Variants in RTTN observed in about 807,000 individuals in gnomAD.
RTTN encodes the protein rotatin.
In RTTN, 182 loss-of-function variants were observed where a neutral mutation model predicts 269.2. That is an observed-to-expected ratio of 0.68 (90% CI 0.60 to 0.76). The LOEUF is 0.76. Ranked by LOEUF, RTTN falls within the 30% of genes least tolerant of loss-of-function variation. RTTN has a pLI of 0.00. For synonymous variants in RTTN, 1,006 were observed against 963.5 expected (o/e 1.04, Z -0.82); for missense variants, 2,545 against 2,608.6 (o/e 0.98, Z 0.53).
chr18:70,085,151 A>T (rs2058670238), intron 32 of RTTN, among the ~76,000 whole-genome samples: 1 of 152,220 alleles, frequency 6.6e-6, no homozygotes, highest in Non-Finnish European at 1.5e-5. Context: ...TTTAAAATGT[A>T]GTCTCCGGAT....
At chr18:70,194,528 A>G (rs1426943820) in intron 7 of RTTN, 1 of 152,252 alleles carries the variant, frequency 6.6e-6, no homozygotes, top group Non-Finnish European at 1.5e-5. Context: ...AGCATTATTC[A>G]CAACCGCCAA....
intron 36 of RTTN, among the ~76,000 whole-genome samples, chr18:70,058,784 G>C (rs894121770): frequency 2.8e-5 from 4 of 144,238 alleles, no homozygotes; most frequent in Non-Finnish European, 6.2e-5. Flanking sequence ...TTTCCAATCC[G>C]AGTAGGTACA....
In RTTN at chr18:70,166,942, T is replaced by A. The variant is rs1296985841; in HGVS notation, c.1779A>T (p.Glu593Asp). 6.2e-7 allele frequency: 1 copy of A among 1,612,596 alleles called. No individual in the cohort carries two copies. The highest frequency in any genetic ancestry group is 8.5e-7 in the Non-Finnish European group (1 of 1,178,984). ...SYHQHFPLIKEIISICSKIWK... is the reference protein window; with the variant it reads ...SYHQHFPLIKDIISICSKIWK... ...ACATCTTTGAACAAATGCTGATGATTTCCTTTATTAGCGGGAAATGCTGAT... is the reference window on the plus strand; with the variant it reads ...ACATCTTTGAACAAATGCTGATGATATCCTTTATTAGCGGGAAATGCTGAT... Residue 593 changes from glutamate to aspartate, a missense_variant, in exon 13 of 49, where the codon GAA (glutamate) becomes GAT (aspartate). By Grantham distance (45) the Glu-to-Asp change is conservative (BLOSUM62 2). Coordinates refer to ENST00000640769, the MANE Select transcript of RTTN (RefSeq NM_173630.4).
At chr18:70,004,701 T>TA (rs1805379795) in intron 48 of RTTN, among the ~76,000 whole-genome samples, 1 of 152,168 alleles carries the variant, frequency 6.6e-6, no homozygotes, top group Non-Finnish European at 1.5e-5. Context: ...TGTTTTAGCA[T>TA]AAAAAATGTT....
chr18:70,022,288 CTCA>C (rs1050132077), intron 44 of RTTN, among the ~76,000 whole-genome samples: 20 of 151,688 alleles, frequency 1.3e-4, no homozygotes, highest in Admixed American at 1.2e-3. Flanking sequence ...TGGGAATTTT[CTCA>C]TCATTCCCAT....
chr18:70,180,842 C>T (rs1418039160), intron 10 of RTTN, among the ~76,000 whole-genome samples: 1 of 152,138 alleles, frequency 6.6e-6, no homozygotes. Flanking sequence ...TTCCTTTATG[C>T]TTATCTCTAT....
At chr18:70,016,901 T>C (rs1442245012) in intron 46 of RTTN, among the ~76,000 whole-genome samples, 2 of 152,014 alleles carry the variant, frequency 1.3e-5, no homozygotes, top group African/African-American at 4.8e-5. Flanking sequence ...AGACTAGGAA[T>C]AGACAGATAC....
intron 46 of RTTN, among the ~76,000 whole-genome samples, chr18:70,016,311 A>T (rs1321745511): frequency 6.6e-6 from 1 of 152,244 alleles, no homozygotes; most frequent in Admixed American, 6.5e-5. Context: ...TGAAAAAAAC[A>T]AGAGAATGAA....
chr18:70,095,618 C>T (rs1409865107), intron 28 of RTTN, among the ~76,000 whole-genome samples: 2 of 152,118 alleles, frequency 1.3e-5, no homozygotes, highest in African/African-American at 4.8e-5. Context: ...TGAATATAGG[C>T]CCCCACTCTC....
chr18:70,018,377 T>C (rs1462767123), intron 45 of RTTN, among the ~76,000 whole-genome samples: 1 of 152,184 alleles, frequency 6.6e-6, no homozygotes, highest in East Asian at 1.9e-4. Flanking sequence ...ATGCAAAGTA[T>C]AAAAGTGCTG....
chr18:70,031,215 C>A, intron 40 of RTTN: 2 of 527,164 alleles, frequency 3.8e-6, no homozygotes, highest in African/African-American at 1.9e-5. Flanking sequence ...TCATCATCTA[C>A]AGAAAAAAGC....
intron 32 of RTTN, among the ~76,000 whole-genome samples, chr18:70,081,640 C>A (rs557537372): frequency 1.4e-4 from 22 of 152,042 alleles, no homozygotes; most frequent in Non-Finnish European, 2.6e-4. Context: ...AAATAAGTAG[C>A]CTGCATTCTT....
chr18:70,043,357 G>A (rs894009591), intron 40 of RTTN, among the ~76,000 whole-genome samples: 1 of 152,074 alleles, frequency 6.6e-6, no homozygotes, highest in Admixed American at 6.5e-5. Flanking sequence ...TACCATTCAC[G>A]CTGCCTATTC....
At chr18:70,093,870 G>A (rs1238446068) in intron 28 of RTTN, among the ~76,000 whole-genome samples, 3 of 152,180 alleles carry the variant, frequency 2.0e-5, no homozygotes, top group Non-Finnish European at 4.4e-5. Flanking sequence ...GTTTCAGAAG[G>A]AATGGTACCA....
At chr18:70,035,211 C>T (rs138228513) in intron 40 of RTTN, among the ~76,000 whole-genome samples, 2,953 of 152,262 alleles carry the variant, frequency 0.019, 82 homozygotes, top group African/African-American at 0.067. Flanking sequence ...CTAGAAAAAA[C>T]TTTTAAAATT....
intron 36 of RTTN, 80 bp downstream of exon 36, chr18:70,059,770 A>T (rs2057923116): frequency 1.1e-5 from 11 of 962,430 alleles, no homozygotes; most frequent in Non-Finnish European, 1.6e-5. Context: ...GGTCACAAGA[A>T]ATCTTGTATC....
chr18:70,051,306 T>C (rs543633615), intron 39 of RTTN, 105 bp downstream of exon 39: 8 of 1,303,090 alleles, frequency 6.1e-6, no homozygotes, highest in East Asian at 2.5e-5. Flanking sequence ...TTATATGCCA[T>C]GCTATAATTA....
intron 40 of RTTN, among the ~76,000 whole-genome samples, chr18:70,032,159 T>A (rs1202663508): frequency 6.6e-6 from 1 of 152,170 alleles, no homozygotes; most frequent in Non-Finnish European, 1.5e-5. Context: ...GGAGACTTTA[T>A]CCCTAGGGGA....
chr18:70,010,840 GC>G (rs1170928235), intron 46 of RTTN, among the ~76,000 whole-genome samples: 9 of 151,414 alleles, frequency 5.9e-5, no homozygotes, highest in African/African-American at 7.2e-5. Flanking sequence ...TAGACCACTA[GC>G]CTGACTAATA....
Sources: gnomAD v4.1 joint callset for allele counts (sites outside exome capture counted in the v4.1 genomes callset) on GRCh38, gnomAD v4.1.1 for gene constraint, MANE v1.5 for transcripts, NCBI Gene and HGNC (gene_info 2026-07-23, HGNC 2026-07-21) for gene names.